Variants in SHANK2 observed in about 807,000 individuals in gnomAD.
The protein encoded by SHANK2 is SH3 and multiple ankyrin repeat domains protein 2.
A neutral mutation model predicts 133.7 loss-of-function variants in SHANK2; 43 were observed. The ratio of observed to expected loss-of-function variants is 0.32; its 90% CI spans 0.25 to 0.41. SHANK2 has a LOEUF of 0.41. SHANK2 is among the 10% of genes least tolerant of loss of function. The pLI is 1.00. For missense variants in SHANK2, 1,994 were observed against 2,235.8 expected, an observed-to-expected ratio of 0.89 and a Z score of 2.18; for synonymous variants, 1,017 against 952.8, an observed-to-expected ratio of 1.07 and a Z score of -1.24.
At chr11:70,693,685 C>G (rs1195890752) in intron 15 of SHANK2, among the ~76,000 whole-genome samples, 1 of 152,082 alleles carries the variant, frequency 6.6e-6, no homozygotes, top group African/African-American at 2.4e-5. Flanking sequence ...TCCTCAGCTC[C>G]CAGAATAGTC....
intron 14 of SHANK2, among the ~76,000 whole-genome samples, chr11:70,791,197 C>T (rs1293837732): frequency 6.6e-6 from 1 of 152,208 alleles, no homozygotes; most frequent in Non-Finnish European, 1.5e-5. Flanking sequence ...CCTAACTGAT[C>T]AAGTGCAACA....
At chr11:71,147,768 A>G (rs1195920184) in intron 2 of SHANK2, among the ~76,000 whole-genome samples, 4 of 152,236 alleles carry the variant, frequency 2.6e-5, no homozygotes, top group Non-Finnish European at 5.9e-5. Flanking sequence ...CAGGAGAGGA[A>G]GAAACATGGG....
In SHANK2 at chr11:70,469,224, T is replaced by TGATA. The variant is rs1285774337; in HGVS notation, c.*3641_*3644dup. ...TCTGAAATAACATGCACGTATCCAT[T>TGATA]GATAAATTGAGAATAAGGAAATGGA... On this transcript the variant is annotated 3_prime_UTR_variant, in exon 26 of 26. Transcript: ENST00000601538. 6.6e-6 allele frequency: 1 copy of TGATA among 152,362 alleles called. No individual in the cohort carries two copies. The highest frequency in any genetic ancestry group is 1.5e-5 in the Non-Finnish European group (1 of 68,042). 9.4% of individuals were successfully genotyped at this position (152,362 alleles called of 1,614,324 possible). A position where few individuals can be genotyped will look rare whatever the true frequency, so the allele number is the denominator to read the frequency against.
chr11:70,566,515 C>T (rs955162243), intron 17 of SHANK2: 30 of 152,208 alleles, frequency 2.0e-4, no homozygotes, highest in African/African-American at 7.0e-4. Flanking sequence ...GGCTCATTCG[C>T]AGAAGCATGG....
At chr11:71,179,961 A>C (rs2135541514) in intron 2 of SHANK2, among the ~76,000 whole-genome samples, 1 of 152,338 alleles carries the variant, frequency 6.6e-6, no homozygotes, top group African/African-American at 2.4e-5. Flanking sequence ...GCCACCTTGC[A>C]ATGTGAGTCT....
intron 3 of SHANK2, among the ~76,000 whole-genome samples, chr11:71,131,112 C>T (rs543540604): frequency 4.5e-4 from 68 of 152,344 alleles, no homozygotes; most frequent in African/African-American, 1.5e-3. Context: ...ACGTGCAATC[C>T]GTGTACTTGC....
At chr11:70,890,774 G>T (rs1949828870) in intron 11 of SHANK2, among the ~76,000 whole-genome samples, 1 of 148,846 alleles carries the variant, frequency 6.7e-6, no homozygotes, top group Non-Finnish European at 1.5e-5. Context: ...ATTCCAGCCA[G>T]GGCAGCAAGA....
chr11:71,077,954 C>A (rs879198485), intron 8 of SHANK2, among the ~76,000 whole-genome samples: 17,844 of 151,984 alleles, frequency 0.12, 1,175 homozygotes, highest in Non-Finnish European at 0.15. Context: ...AATGTGGATG[C>A]CTGTGTGTCT....
chr11:70,890,574 C>A (rs1453287047), intron 11 of SHANK2, among the ~76,000 whole-genome samples: 1 of 150,882 alleles, frequency 6.6e-6, no homozygotes, highest in Non-Finnish European at 1.5e-5. Context: ...CTGAGGCGGG[C>A]GGATCACCTG....
chr11:70,777,365 A>T (rs1367069873), intron 14 of SHANK2, among the ~76,000 whole-genome samples: 3 of 150,278 alleles, frequency 2.0e-5, no homozygotes, highest in African/African-American at 7.4e-5. Flanking sequence ...CTGTCCATCC[A>T]TACACCCATC....
At chr11:70,719,435 T>C (rs1428025351) in intron 14 of SHANK2, among the ~76,000 whole-genome samples, 1 of 152,136 alleles carries the variant, frequency 6.6e-6, no homozygotes, top group African/African-American at 2.4e-5. Flanking sequence ...AGTGGGTTGC[T>C]GGGGATGAGG....
intron 17 of SHANK2, among the ~76,000 whole-genome samples, chr11:70,549,239 C>T (rs918456418): frequency 2.0e-5 from 3 of 152,172 alleles, no homozygotes; most frequent in Non-Finnish European, 4.4e-5. Context: ...AGCACCGCAG[C>T]CCCCAGTGAC....
chr11:70,741,356 C>T (rs1012001818), intron 14 of SHANK2, among the ~76,000 whole-genome samples: 1 of 151,984 alleles, frequency 6.6e-6, no homozygotes, highest in Non-Finnish European at 1.5e-5. Flanking sequence ...TCCATCCATC[C>T]ATCCATCCAT....
chr11:70,935,987 G>A (rs1029380768), intron 10 of SHANK2, among the ~76,000 whole-genome samples: 5 of 152,126 alleles, frequency 3.3e-5, no homozygotes, highest in African/African-American at 1.2e-4. Flanking sequence ...CTGCTGCACC[G>A]GCTGAAGTGA....
In SHANK2 at chr11:70,473,010, A is replaced by G; in HGVS notation, c.5409T>C (p.His1803=). The part of the protein sequence containing the change: ...DWLESLNLGE[H]KEAFMDNEID... ...TCTCATTGTCCATGAAGGCCTCTTT[A>G]TGTTCACCCAAGTTTAGACTTTCCA... Residue 1803 remains histidine, a synonymous_variant, in exon 26 of 26, where the codon CAT becomes CAC. Coordinates refer to ENST00000601538, the MANE Select transcript of SHANK2 (RefSeq NM_012309.5). This position sits in a 1 kb window ranked among gnomAD's most constrained non-coding sequence, Gnocchi z 5.9. The G allele has an allele frequency of 3.1e-6, 5 of 1,614,196 alleles. No homozygotes were observed. Among genetic ancestry groups the G allele is most frequent in the Non-Finnish European group, 4.2e-6 (5 of 1,180,040 alleles).
At chr11:70,641,912 C>T (rs1293577870) in intron 17 of SHANK2, among the ~76,000 whole-genome samples, 2 of 152,226 alleles carry the variant, frequency 1.3e-5, no homozygotes, top group Non-Finnish European at 2.9e-5. Flanking sequence ...GCTGTGCTAG[C>T]ACAAAAGGGC....
chr11:70,766,166 G>A (rs1039633321), intron 14 of SHANK2, among the ~76,000 whole-genome samples: 23 of 152,242 alleles, frequency 1.5e-4, no homozygotes, highest in African/African-American at 4.6e-4. Flanking sequence ...CTATTGGAAC[G>A]CAGATACAAT....
Position 70,815,615 on chromosome 11 carries a change from G to A in SHANK2, c.1493+4749C>T, listed in dbSNP as rs890014952. ...CTCGCCATTGTGCAAGCTGGCTCAG[G>A]GCAGCTTCGAACCAGGGTTGGCACC... On this transcript the variant is annotated intron_variant, in intron 12 of 25. Transcript: ENST00000601538. Among the ~76,000 whole-genome samples the A allele has an allele frequency of 2.0e-4, 30 of 152,290 alleles. 1 individual carries two copies. The highest frequency in any genetic ancestry group is 2.0e-3 in the Admixed American group (30 of 15,304).
Position 70,661,771 on chromosome 11 carries a change from C to T in SHANK2, c.1854-93G>A, listed in dbSNP as rs782793049. 1.3e-5 allele frequency: 21 copies of T among 1,613,866 alleles called. No homozygotes were observed. Among genetic ancestry groups the T allele is most frequent in the Non-Finnish European group, 1.7e-5 (20 of 1,180,044 alleles). Reference sequence around the variant, plus strand: ...CGCCGGGGACGTTCATCATCATAGCCAATTAATCACCCCAGCTCGCCAGAT... The same window carrying T: ...CGCCGGGGACGTTCATCATCATAGCTAATTAATCACCCCAGCTCGCCAGAT... On this transcript the variant is annotated intron_variant, in intron 15 of 25. Coordinates refer to ENST00000601538, the MANE Select transcript of SHANK2 (RefSeq NM_012309.5).
Sources: gnomAD v4.1 joint callset for allele counts (sites outside exome capture counted in the v4.1 genomes callset) on GRCh38, gnomAD v4.1.1 for gene constraint, Gnocchi (gnomAD v3.1) non-coding constraint, MANE v1.5 for transcripts, NCBI Gene and HGNC (gene_info 2026-07-23, HGNC 2026-07-21) for gene names.